Variants in PPP2R2D observed in about 807,000 individuals in gnomAD.
PPP2R2D encodes serine/threonine-protein phosphatase 2A 55 kDa regulatory subunit B delta isoform.
Under a neutral mutation model 31.1 loss-of-function variants are expected in PPP2R2D, and 9 were observed. The observed-to-expected ratio is 0.29, with a 90% CI of 0.17 to 0.51. The LOEUF (loss-of-function observed/expected upper bound fraction) is 0.51. PPP2R2D is among the 20% of genes least tolerant of loss of function. PPP2R2D has a pLI of 0.98. For missense variants in PPP2R2D, 391 were observed against 465.6 expected, an observed-to-expected ratio of 0.84 and a Z score of 1.48; for synonymous variants, 179 against 172.6, an observed-to-expected ratio of 1.04 and a Z score of -0.29.
In PPP2R2D at chr10:131,947,420, C is replaced by G. The variant is rs562998197; in HGVS notation, c.821-110C>G. On this transcript the variant is annotated intron_variant, in intron 7 of 8. Coordinates refer to ENST00000455566, the MANE Select transcript of PPP2R2D (RefSeq NM_018461.5). This position sits in a 1 kb window ranked among gnomAD's most constrained non-coding sequence, Gnocchi z 4.3. ...AAGATCAGAAGACCTAGTGTTGAGG[C>G]CAAGCCCTTCCAGAGTCTCTCTGAA... is the stretch of plus-strand genomic sequence containing the variant. The G allele has an allele frequency of 1.7e-6, 2 of 1,186,486 alleles. No homozygotes were observed. The highest frequency in any genetic ancestry group is 2.3e-6 in the Non-Finnish European group (2 of 856,736). The allele number at this position is 1,186,486 out of a possible 1,614,324, so 73.5% of individuals were successfully genotyped here. A position where few individuals can be genotyped will look rare whatever the true frequency, so the allele number is the denominator to read the frequency against.
the PPP2R2D span, chr10:131,967,529 C>A: frequency 6.6e-6 from 1 of 152,254 alleles, no homozygotes; most frequent in Non-Finnish European, 1.5e-5. Context: ...AGATTTAACA[C>A]CCGAATTAAG....
At chr10:131,943,326 T>C (rs1432860878) in intron 5 of PPP2R2D, among the ~76,000 whole-genome samples, 1 of 152,218 alleles carries the variant, frequency 6.6e-6, no homozygotes, top group Non-Finnish European at 1.5e-5. Flanking sequence ...CTTTTTGTTT[T>C]AACCTCAAGT....
intron 2 of PPP2R2D, among the ~76,000 whole-genome samples, chr10:131,903,428 T>C (rs1041651869): frequency 2.8e-5 from 4 of 144,114 alleles, no homozygotes; most frequent in African/African-American, 1.1e-4. Flanking sequence ...GATCGTGCCA[T>C]TGCCCTCCAG....
the PPP2R2D span, among the ~76,000 whole-genome samples, chr10:131,965,693 G>A: frequency 1.3e-5 from 2 of 152,134 alleles, no homozygotes; most frequent in African/African-American, 2.4e-5. Context: ...CAATCCACCC[G>A]CCCCAGCCTC....
Position 131,947,991 on chromosome 10 carries a change from C to T in PPP2R2D, c.1082+200C>T, listed in dbSNP as rs782521058. On this transcript the variant is annotated intron_variant, in intron 8 of 8. Coordinates refer to ENST00000455566, the MANE Select transcript of PPP2R2D (RefSeq NM_018461.5). This position sits in a 1 kb window ranked among gnomAD's most constrained non-coding sequence, Gnocchi z 4.3. ...TGAGCAAGTTTCTCACCTAGCTTGT[C>T]ATTCCATTTATATTTAGACAAGAAG... Among the ~76,000 whole-genome samples, 5 of 152,224 alleles carry T rather than the reference C, an allele frequency of 3.3e-5. No individual in the cohort carries two copies. Among genetic ancestry groups the T allele is most frequent in the Non-Finnish European group, 5.9e-5 (4 of 68,044 alleles).
chr10:131,932,601 A>G (rs1454039641), intron 2 of PPP2R2D, among the ~76,000 whole-genome samples: 2 of 129,908 alleles, frequency 1.5e-5, no homozygotes, highest in African/African-American at 2.9e-5. Flanking sequence ...CTGGAGATGG[A>G]GGTTGCGGTG....
chr10:131,930,371 T>C (rs58896155), intron 2 of PPP2R2D, among the ~76,000 whole-genome samples: 1 of 152,358 alleles, frequency 6.6e-6, no homozygotes, highest in East Asian at 1.9e-4. Context: ...CCTGAGATTC[T>C]CCTCACCATT....
chr10:131,918,942 GAC>G (rs1212139909), intron 2 of PPP2R2D, among the ~76,000 whole-genome samples: 2 of 142,276 alleles, frequency 1.4e-5, no homozygotes, highest in South Asian at 2.3e-4. Flanking sequence ...CGGATGGAAT[GAC>G]ACAGTGTAGG....
At chr10:131,934,738 G>A (rs1360407531) in intron 3 of PPP2R2D, among the ~76,000 whole-genome samples, 183 bp downstream of exon 3, 3 of 152,222 alleles carry the variant, frequency 2.0e-5, no homozygotes, top group South Asian at 2.1e-4. Flanking sequence ...GCTGAGCCCC[G>A]GTGAAGTCTC....
downstream of PPP2R2D, among the ~76,000 whole-genome samples, chr10:131,960,227 C>T (rs1272855939): frequency 6.6e-6 from 1 of 152,228 alleles, no homozygotes; most frequent in Non-Finnish European, 1.5e-5. Flanking sequence ...GACGTGCCCT[C>T]AACAGGTGCG....
At chr10:131,970,593 C>T in the PPP2R2D span, 1 of 1,601,466 alleles carries the variant, frequency 6.2e-7, no homozygotes, top group Non-Finnish European at 8.5e-7. This position sits in a 1 kb window ranked among gnomAD's most constrained non-coding sequence, Gnocchi z 4.1. Context: ...CCCAGAATCG[C>T]CCCACGACAT....
intron 2 of PPP2R2D, among the ~76,000 whole-genome samples, chr10:131,905,967 TC>T (rs1462686157): frequency 1.3e-5 from 2 of 152,218 alleles, no homozygotes; most frequent in African/African-American, 4.8e-5. Context: ...TTAAAGGAAG[TC>T]TGTGTCAAAA....
rs953993191 is a variant in PPP2R2D at position 131,945,378 on chromosome 10, G to A, written c.739G>A (p.Val247Met). Reference protein sequence around the residue: ...AAEFHPHQCNVFVYSSSKGTI... With the variant: ...AAEFHPHQCNMFVYSSSKGTI... ...CGAGTTCCACCCGCACCAGTGCAAC[G>A]TGTTCGTCTACAGCAGTAGCAAAGG... is the stretch of plus-strand genomic sequence containing the variant. Residue 247 changes from valine to methionine, a missense_variant, in exon 7 of 9, where the codon GTG (valine) becomes ATG (methionine). By Grantham distance (21) the Val-to-Met change is conservative. Coordinates refer to ENST00000455566, the MANE Select transcript of PPP2R2D (RefSeq NM_018461.5). This position sits in a 1 kb window ranked among gnomAD's most constrained non-coding sequence, Gnocchi z 4.8. 2 of 1,614,208 alleles carry A rather than the reference G, an allele frequency of 1.2e-6. No homozygotes were observed. Among genetic ancestry groups the A allele is most frequent in the Non-Finnish European group, 8.5e-7 (1 of 1,180,032 alleles).
chr10:131,941,901 A>G (rs1158104692), intron 5 of PPP2R2D, among the ~76,000 whole-genome samples: 1 of 152,190 alleles, frequency 6.6e-6, no homozygotes, highest in African/African-American at 2.4e-5. Context: ...ATTTGCTGAA[A>G]ATCTAGTTTA....
rs1181164051 is a variant in PPP2R2D at position 131,957,528 on chromosome 10, G to T, written c.*1565G>T. Reference sequence around the variant, plus strand: ...CCCCCGTCCCCCTGTGGAGATGAAGGTGTGTGCTGATCCCCCGTGCCCCTG... The same window carrying T: ...CCCCCGTCCCCCTGTGGAGATGAAGTTGTGTGCTGATCCCCCGTGCCCCTG... On this transcript the variant is annotated 3_prime_UTR_variant, in exon 9 of 9. Transcript: ENST00000455566. 2 of 192,938 alleles carry T rather than the reference G, an allele frequency of 1.0e-5. No individual in the cohort carries two copies. Among genetic ancestry groups the T allele is most frequent in the Admixed American group, 6.3e-5 (1 of 15,852 alleles). The allele number at this position is 192,938 out of a possible 1,614,324, so 12.0% of individuals were successfully genotyped here.
chr10:131,929,667 C>G (rs1481832525), intron 2 of PPP2R2D, among the ~76,000 whole-genome samples: 1 of 152,128 alleles, frequency 6.6e-6, no homozygotes, highest in Non-Finnish European at 1.5e-5. Context: ...CTGCCCGCTC[C>G]ATTCTCACAG....
At chr10:131,920,642 T>C (rs563690699) in intron 2 of PPP2R2D, among the ~76,000 whole-genome samples, 1 of 152,204 alleles carries the variant, frequency 6.6e-6, no homozygotes, top group Non-Finnish European at 1.5e-5. Context: ...ATTTAAAAAA[T>C]TATTGCTGGG....
In PPP2R2D at chr10:131,939,757, A is replaced by G. The variant is rs532314290; in HGVS notation, c.199-274A>G. 4.5e-4 allele frequency: 105 copies of G among 235,262 alleles called. 1 individual carries two copies. Among genetic ancestry groups the G allele is most frequent in the Admixed American group, 1.7e-3 (31 of 17,984 alleles). The allele number at this position is 235,262 out of a possible 1,614,324, so 14.6% of individuals were successfully genotyped here. A position where few individuals can be genotyped will look rare whatever the true frequency, so the allele number is the denominator to read the frequency against. On this transcript the variant is annotated intron_variant, in intron 3 of 8. Coordinates refer to ENST00000455566, the MANE Select transcript of PPP2R2D (RefSeq NM_018461.5). ...GCAGGCCTGCTTCAGAAAATACGGC[A>G]GGCTGCATTTGACAGACCTGCTCCA...
intron 8 of PPP2R2D, among the ~76,000 whole-genome samples, chr10:131,950,095 T>G (rs2036610067): frequency 6.6e-6 from 1 of 151,890 alleles, no homozygotes; most frequent in African/African-American, 2.4e-5. Flanking sequence ...GATGAAACTG[T>G]GTGGGTTTAG....
Sources: allele counts gnomAD v4.1 joint callset (sites outside exome capture counted in the v4.1 genomes callset), GRCh38; gene constraint gnomAD v4.1.1; non-coding constraint Gnocchi (gnomAD v3.1); transcripts MANE v1.5; gene names NCBI Gene and HGNC (gene_info 2026-07-23, HGNC 2026-07-21).